The following NEK10 variants were observed in gnomAD, a reference collection of about 807,000 sequenced individuals.
NEK10 encodes serine/threonine-protein kinase Nek10.
Under a neutral mutation model 159.8 loss-of-function variants are expected in NEK10, and 122 were observed. The observed-to-expected ratio is 0.76, with a 90% CI of 0.66 to 0.89. The LOEUF is 0.89. Ranked by LOEUF, NEK10 falls within the 40% of genes least tolerant of loss-of-function variation. NEK10 has a pLI of 0.00. For synonymous variants in NEK10, 466 were observed against 457.1 expected (o/e 1.02, Z -0.25); for missense variants, 1,342 against 1,323.1 (o/e 1.01, Z -0.22).
intron 29 of NEK10, among the ~76,000 whole-genome samples, chr3:27,169,693 G>T (rs923414975): frequency 1.3e-5 from 2 of 152,162 alleles, no homozygotes; most frequent in Admixed American, 6.5e-5. Flanking sequence ...TTGCTGAGCA[G>T]GTTCTTCTGA....
chr3:27,348,754 G>A (rs896158668), intron 3 of NEK10, among the ~76,000 whole-genome samples: 5 of 151,998 alleles, frequency 3.3e-5, no homozygotes, highest in Admixed American at 6.6e-5. Flanking sequence ...TATAGCTTAC[G>A]CAACATCCTT....
At position 27,116,061 on chromosome 3, in the gene NEK10, T is replaced by G; in HGVS notation, c.3243+14A>C. The stretch of plus-strand genomic sequence containing the variant: ...ACAAAATAAAATCATTCAGAGACAC[T>G]GCAAAAACCTCACCTGCATCTGTTC... On this transcript the variant is annotated intron_variant, in intron 34 of 35. Transcript: ENST00000691995. The G allele has an allele frequency of 1.2e-6, 2 of 1,613,404 alleles. No individual in the cohort carries two copies. Among genetic ancestry groups the G allele is most frequent in the Non-Finnish European group, 1.7e-6 (2 of 1,179,520 alleles).
chr3:27,336,661 G>T (rs1353268260), intron 5 of NEK10, among the ~76,000 whole-genome samples: 1 of 152,118 alleles, frequency 6.6e-6, no homozygotes, highest in Non-Finnish European at 1.5e-5. Context: ...GACCAAGTGG[G>T]ATTTACACCA....
chr3:27,359,545 G>A (rs1182584573), intron 1 of NEK10, among the ~76,000 whole-genome samples: 1 of 152,170 alleles, frequency 6.6e-6, no homozygotes, highest in Non-Finnish European at 1.5e-5. Flanking sequence ...TTCCTTTACT[G>A]TAGATATTTT....
chr3:27,285,261 T>C (rs948303248), intron 20 of NEK10, among the ~76,000 whole-genome samples: 1 of 152,102 alleles, frequency 6.6e-6, no homozygotes, highest in Admixed American at 6.5e-5. Context: ...GATTGAAAGG[T>C]GCCACAGAGA....
chr3:27,248,164 C>T (rs892856130), intron 23 of NEK10, among the ~76,000 whole-genome samples: 3 of 152,016 alleles, frequency 2.0e-5, no homozygotes, highest in Non-Finnish European at 4.4e-5. Flanking sequence ...CATAGTTGTT[C>T]GTGGTAGCCA....
intron 23 of NEK10, among the ~76,000 whole-genome samples, chr3:27,229,867 G>A (rs558841603): frequency 6.6e-6 from 1 of 152,172 alleles, no homozygotes; most frequent in South Asian, 2.1e-4. Flanking sequence ...CAAGAAATAT[G>A]AGATTATATA....
In NEK10 at chr3:27,174,818, C is replaced by G; in HGVS notation, c.2521G>C (p.Ala841Pro). The G allele has an allele frequency of 1.3e-6, 2 of 1,594,880 alleles. No individual in the cohort carries two copies. Among genetic ancestry groups the G allele is most frequent in the Non-Finnish European group, 1.7e-6 (2 of 1,173,310 alleles). ...CCACTGCTGCTGCTACTCAAACTTG[C>G]CTTCTCAAAGGTCTCCTGGAAAGAG... is the stretch of plus-strand genomic sequence containing the variant. The part of the protein sequence containing the change: ...AVLSHETFEK[A>P]SLSSSSSGAA... The change falls in exon 27 of 36, where the codon GCA becomes CCA. Residue 841 changes from alanine (A) to proline (P), a missense_variant. Ala to Pro is a conservative substitution (Grantham distance 27). Coordinates refer to ENST00000691995, the MANE Select transcript of NEK10 (RefSeq NM_001394966.1).
chr3:27,244,602 A>C (rs991196730), intron 23 of NEK10, among the ~76,000 whole-genome samples: 5 of 152,168 alleles, frequency 3.3e-5, no homozygotes, highest in Non-Finnish European at 7.4e-5. Flanking sequence ...AGTAGAGCCT[A>C]TCCCAACCAT....
chr3:27,271,895 AC>A (rs1385390485), intron 22 of NEK10, among the ~76,000 whole-genome samples: 1 of 152,168 alleles, frequency 6.6e-6, no homozygotes, highest in African/African-American at 2.4e-5. Context: ...CTTTGACAGG[AC>A]AAATGATACA....
chr3:27,133,803 A>G (rs923251768), intron 31 of NEK10, among the ~76,000 whole-genome samples: 1 of 152,136 alleles, frequency 6.6e-6, no homozygotes, highest in East Asian at 1.9e-4. Flanking sequence ...CTTTTATCCT[A>G]GTGTTTGAGT....
chr3:27,176,448 C>T (rs190476971), intron 26 of NEK10, among the ~76,000 whole-genome samples: 3 of 152,296 alleles, frequency 2.0e-5, no homozygotes, highest in African/African-American at 4.8e-5. Flanking sequence ...ATATGCTACT[C>T]AGAAATTTTT....
At chr3:27,129,574 G>A (rs532625351) in intron 32 of NEK10, among the ~76,000 whole-genome samples, 1 of 152,150 alleles carries the variant, frequency 6.6e-6, no homozygotes, top group East Asian at 1.9e-4. Flanking sequence ...TTTAGATGAA[G>A]GCAGGAAAGT....
At chr3:27,195,642 C>T (rs1398293503) in intron 25 of NEK10, among the ~76,000 whole-genome samples, 1 of 152,266 alleles carries the variant, frequency 6.6e-6, no homozygotes, top group South Asian at 2.1e-4. Flanking sequence ...AAGCTCTTTC[C>T]CTCAGCAAAG....
chr3:27,226,289 C>T (rs1297656613), intron 23 of NEK10, among the ~76,000 whole-genome samples: 4 of 151,822 alleles, frequency 2.6e-5, no homozygotes, highest in African/African-American at 4.8e-5. Context: ...TTGTGACCTG[C>T]CTGCCTCGGC....
At position 27,174,737 on chromosome 3, in the gene NEK10, A is replaced by C. The variant is rs1368826899; in HGVS notation, c.2602T>G (p.Phe868Val). The change falls in exon 27 of 36, where the codon TTC (phenylalanine) becomes GTC (valine). Residue 868 changes from phenylalanine to valine, a missense_variant. Phe to Val is a conservative substitution (Grantham distance 50, BLOSUM62 -1). Coordinates refer to ENST00000691995, the MANE Select transcript of NEK10 (RefSeq NM_001394966.1). The part of the protein sequence containing the change: ...SESADLPPEG[F>V]QASYGKDEDR... ...TCGTCTTTACCATAGGAGGCCTGGA[A>C]GCCTTCAGGGGGCAGGTCTGCGCTT... is the stretch of plus-strand genomic sequence containing the variant. 12 of 1,613,636 alleles carry C rather than the reference A, an allele frequency of 7.4e-6. No individual in the cohort carries two copies. Among genetic ancestry groups the C allele is most frequent in the Non-Finnish European group, 1.0e-5 (12 of 1,179,882 alleles).
intron 22 of NEK10, among the ~76,000 whole-genome samples, chr3:27,262,896 A>G (rs2040540733): frequency 6.6e-6 from 1 of 152,128 alleles, no homozygotes; most frequent in Admixed American, 6.5e-5. Flanking sequence ...CCTTTGGAGG[A>G]GGAGAGGCAC....
chr3:27,347,206 G>A (rs2047617254), intron 3 of NEK10, among the ~76,000 whole-genome samples: 1 of 152,096 alleles, frequency 6.6e-6, no homozygotes, highest in Admixed American at 6.6e-5. Context: ...AGTATTTAAT[G>A]TAAATCAGTA....
At chr3:27,313,676 G>A (rs2044898573) in intron 7 of NEK10, among the ~76,000 whole-genome samples, 1 of 152,032 alleles carries the variant, frequency 6.6e-6, no homozygotes, top group African/African-American at 2.4e-5. Flanking sequence ...CCACCATATG[G>A]TATATACAAT....
Sources: allele counts gnomAD v4.1 joint callset (sites outside exome capture counted in the v4.1 genomes callset), GRCh38; gene constraint gnomAD v4.1.1; transcripts MANE v1.5; gene names NCBI Gene and HGNC (gene_info 2026-07-23, HGNC 2026-07-21).